The following CADM2 variants were observed in gnomAD, a reference collection of about 807,000 sequenced individuals.
The protein encoded by CADM2 is immunoglobulin superfamily member 4D.
CADM2 carries 12 observed loss-of-function variants against 49.8 expected under a neutral mutation model. The ratio of observed to expected loss-of-function variants is 0.24; its 90% confidence interval spans 0.15 to 0.39. The LOEUF is 0.39. Among genes scored for constraint, CADM2 ranks in the 10% least tolerant of loss-of-function variants. CADM2 has a pLI of 1.00. For missense variants in CADM2, 378 were observed against 492.3 expected (o/e 0.77, Z 2.20); for synonymous variants, 214 against 175.4 (o/e 1.22, Z -1.74).
chr3:85,135,395 C>T (rs955116384), intron 1 of CADM2, among the ~76,000 whole-genome samples: 7 of 151,908 alleles, frequency 4.6e-5, no homozygotes, highest in African/African-American at 1.7e-4. Flanking sequence ...AGGGGTACTT[C>T]GGTTTGCTTT....
intron 1 of CADM2, among the ~76,000 whole-genome samples, chr3:85,208,656 A>G (rs1373198369): frequency 6.6e-6 from 1 of 152,182 alleles, no homozygotes; most frequent in Non-Finnish European, 1.5e-5. Flanking sequence ...TAAAGAGGAT[A>G]CATTTAAGTG....
chr3:85,492,269 A>G (rs984347348), intron 1 of CADM2, among the ~76,000 whole-genome samples: 1 of 152,084 alleles, frequency 6.6e-6, no homozygotes, highest in Non-Finnish European at 1.5e-5. Flanking sequence ...TTTGATCCAT[A>G]AGTAAGGAAA....
At chr3:85,030,215 C>A (rs1330337149) in intron 1 of CADM2, among the ~76,000 whole-genome samples, 1 of 152,180 alleles carries the variant, frequency 6.6e-6, no homozygotes, top group Admixed American at 6.5e-5. Flanking sequence ...CAATTCATTG[C>A]TCCCTCCTAT....
At chr3:85,601,194 A>ACC (rs2063395511) in intron 1 of CADM2, among the ~76,000 whole-genome samples, 1 of 127,114 alleles carries the variant, frequency 7.9e-6, no homozygotes. Flanking sequence ...ACACACATAC[A>ACC]TGTCATTTGC....
At chr3:85,619,275 G>T (rs2063897994) in intron 1 of CADM2, among the ~76,000 whole-genome samples, 1 of 150,156 alleles carries the variant, frequency 6.7e-6, no homozygotes, top group African/African-American at 2.5e-5. Flanking sequence ...CCAATGCTTA[G>T]ATTTATTGAT....
At chr3:84,989,139 G>T (rs12494141) in intron 1 of CADM2, among the ~76,000 whole-genome samples, 7,502 of 152,182 alleles carry the variant, frequency 0.049, 224 homozygotes, top group East Asian at 0.1. Context: ...AAAGAAGTGG[G>T]TGATTGCACC....
intron 1 of CADM2, among the ~76,000 whole-genome samples, chr3:85,148,109 T>C (rs981007586): frequency 6.6e-6 from 1 of 152,228 alleles, no homozygotes; most frequent in Non-Finnish European, 1.5e-5. Context: ...GCAGGTCATT[T>C]AATGAATATC....
At chr3:85,074,115 C>T (rs1320047514) in intron 1 of CADM2, among the ~76,000 whole-genome samples, 2 of 152,206 alleles carry the variant, frequency 1.3e-5, no homozygotes, top group East Asian at 3.9e-4. Flanking sequence ...TACCAGAGCT[C>T]CCGTTACCAC....
Position 85,379,131 on chromosome 3 carries a change from G to C in CADM2, c.62-347391G>C, listed in dbSNP as rs1208926773. On this transcript the variant is annotated intron_variant, in intron 1 of 9. Coordinates refer to ENST00000383699, the MANE Select transcript of CADM2 (RefSeq NM_001167675.2). The stretch of plus-strand genomic sequence containing the variant: ...GTAACTTCTCATAATAATATGAGGT[G>C]GATTGAATATCCAAAAGCAACAAAA... 2.0e-5 allele frequency among the ~76,000 whole-genome samples: 3 copies of C among 151,754 alleles called. No homozygotes were observed. In the East Asian group the frequency reaches 5.8e-4, roughly 29 times the overall value.
At chr3:85,408,356 G>A (rs1327724214) in intron 1 of CADM2, among the ~76,000 whole-genome samples, 2 of 152,160 alleles carry the variant, frequency 1.3e-5, no homozygotes, top group Non-Finnish European at 2.9e-5. Context: ...CAACATAAAA[G>A]CCAGGTAGGT....
At chr3:85,383,477 TTAATA>T (rs1014039912) in intron 1 of CADM2, among the ~76,000 whole-genome samples, 8 of 141,706 alleles carry the variant, frequency 5.6e-5, no homozygotes, top group African/African-American at 2.3e-4. Flanking sequence ...TGGAAAAAAG[TTAATA>T]TAATACTTTA....
chr3:85,866,307 C>A (rs2075718761), intron 3 of CADM2, among the ~76,000 whole-genome samples: 1 of 152,080 alleles, frequency 6.6e-6, no homozygotes, highest in South Asian at 2.1e-4. Context: ...ACCTACCCAC[C>A]CTGTTAACTG....
At chr3:84,991,333 A>G (rs2032873184) in intron 1 of CADM2, among the ~76,000 whole-genome samples, 1 of 152,110 alleles carries the variant, frequency 6.6e-6, no homozygotes, top group Admixed American at 6.5e-5. Flanking sequence ...TGCACCATTT[A>G]TACAGTAGGC....
intron 1 of CADM2, among the ~76,000 whole-genome samples, chr3:85,340,744 A>G (rs2045217634): frequency 6.6e-6 from 1 of 151,588 alleles, no homozygotes; most frequent in African/African-American, 2.4e-5. Flanking sequence ...AATGTTGTCA[A>G]TTTACATGTC....
intron 2 of CADM2, among the ~76,000 whole-genome samples, chr3:85,783,134 G>C (rs1459530786): frequency 6.6e-6 from 1 of 152,066 alleles, no homozygotes; most frequent in Non-Finnish European, 1.5e-5. Context: ...GAAATAACCA[G>C]TTTTCTTACT....
intron 1 of CADM2, among the ~76,000 whole-genome samples, chr3:85,495,464 A>G (rs1344668573): frequency 2.0e-5 from 3 of 152,150 alleles, no homozygotes; most frequent in Non-Finnish European, 4.4e-5. Flanking sequence ...AATTCCGGGT[A>G]AAGGAGGAAA....
At chr3:84,990,428 A>G (rs1255839989) in intron 1 of CADM2, among the ~76,000 whole-genome samples, 2 of 151,812 alleles carry the variant, frequency 1.3e-5, no homozygotes, top group African/African-American at 4.8e-5. Flanking sequence ...ATTTCAATAT[A>G]GTTGTATAAA....
At chr3:85,679,096 A>C (rs998979731) in intron 1 of CADM2, among the ~76,000 whole-genome samples, 1 of 152,218 alleles carries the variant, frequency 6.6e-6, no homozygotes, top group African/African-American at 2.4e-5. Context: ...TATAAAATCA[A>C]TAACCACAAA....
rs546083691 is a variant in CADM2 at position 85,603,654 on chromosome 3, A to C, written c.62-122868A>C. Among the ~76,000 whole-genome samples, 5 of 151,992 alleles carry C rather than the reference A, an allele frequency of 3.3e-5. No individual in the cohort carries two copies. In the South Asian group the frequency reaches 1.0e-3, roughly 32 times the overall value. On this transcript the variant is annotated intron_variant, in intron 1 of 9. Coordinates refer to ENST00000383699, the MANE Select transcript of CADM2 (RefSeq NM_001167675.2). ...CAGGCAGATCAATTTTAGTTTTATTAGTACCTTCTGTGTTTCCTCTGTACT... is the reference window on the plus strand; with the variant it reads ...CAGGCAGATCAATTTTAGTTTTATTCGTACCTTCTGTGTTTCCTCTGTACT...
Sources: gnomAD v4.1 joint callset for allele counts (sites outside exome capture counted in the v4.1 genomes callset) on GRCh38, gnomAD v4.1.1 for gene constraint, MANE v1.5 for transcripts, NCBI Gene and HGNC (gene_info 2026-07-23, HGNC 2026-07-21) for gene names.